The following RTKN variants were observed in gnomAD, a reference collection of about 807,000 sequenced individuals.
RTKN encodes the protein rhotekin.
In RTKN, 49 loss-of-function variants were observed where a neutral mutation model predicts 63.5. That is an observed-to-expected ratio of 0.77 (90% CI 0.61 to 0.98). The LOEUF (loss-of-function observed/expected upper bound fraction) is 0.98. Ranked by LOEUF, RTKN falls within the 50% of genes least tolerant of loss-of-function variation. The pLI, the probability that RTKN is intolerant of heterozygous loss-of-function variation, is 0.00. For missense variants in RTKN, 685 were observed against 740.8 expected (o/e 0.92, Z 0.87); for synonymous variants, 295 against 290.4 (o/e 1.02, Z -0.16).
chr2:74,432,472 G>C lies in RTKN; in HGVS notation c.306C>G (p.Ser102Arg), dbSNP rs1161130184. Reference sequence around the variant, plus strand: ...CTCGTCTCCCCCTTGCTCACCGCCGGCTTGTCTTCCCCAGCACCTGCGCCT... The same window carrying C: ...CTCGTCTCCCCCTTGCTCACCGCCGCCTTGTCTTCCCCAGCACCTGCGCCT... ...RKEAQVLGKT[S>R]RRPSDSGPPA... is the part of the protein sequence containing the mutation. The change falls in exon 2 of 12, where the codon AGC (serine) becomes AGG (arginine). Residue 102 changes from serine to arginine, a missense_variant. Physicochemically the swap from Ser to Arg is moderately radical, Grantham distance 110. Transcript: ENST00000272430. 9.3e-6 allele frequency: 15 copies of C among 1,608,960 alleles called. No homozygotes were observed. Among genetic ancestry groups the C allele is most frequent in the Non-Finnish European group, 1.3e-5 (15 of 1,179,918 alleles).
At chr2:74,429,101 A>G (rs924660099) in intron 6 of RTKN, among the ~76,000 whole-genome samples, 159 bp from the exon 7 acceptor site, 3 of 152,168 alleles carry the variant, frequency 2.0e-5, no homozygotes, top group African/African-American at 4.8e-5. Context: ...AGCTCCAGCT[A>G]AGTGTCAGGA....
At chr2:74,427,906 C>A in intron 9 of RTKN, 1 of 479,086 alleles carries the variant, frequency 2.1e-6, no homozygotes, top group Non-Finnish European at 3.7e-6. Flanking sequence ...CAGGAAAGCC[C>A]ATAAAAGGGA....
rs750602166 is a variant in RTKN at position 74,441,742 on chromosome 2, G to C, written c.75C>G (p.Gly25=). 2 of 1,611,770 alleles carry C rather than the reference G, an allele frequency of 1.2e-6. No homozygotes were observed. The highest frequency in any genetic ancestry group is 1.7e-5 in the Admixed American group (1 of 59,944). The change falls in exon 1 of 12, where the codon GGC becomes GGG. Residue 25 remains glycine, a synonymous_variant. Transcript: ENST00000272430. The part of the protein sequence containing the change: ...GSALEMEFKR[G]RFRLSLFSDL... ...CGCTGAAGAGGCTGAGTCGGAAGCG[G>C]CCGCGTTTGAACTCCATCTCCAGGG...
In RTKN at chr2:74,427,267, C is replaced by T; in HGVS notation, c.1262G>A (p.Trp421Ter). Residue 421 changes from tryptophan to a stop codon, truncating the protein, a stop_gained, in exon 11 of 12, where the codon TGG becomes TAG. Transcript: ENST00000272430. LOFTEE classifies it high-confidence loss of function. Reference protein sequence around the residue: ...LWQLFFDMSQWKQCCDEIMKI... With the variant: ...LWQLFFDMSQ ...CATGATTTCATCACAGCACTGCTTC[C>T]ATTGGCCTGGAAGAAGAGCGCTGAT... 1 of 1,614,148 alleles carries T rather than the reference C, an allele frequency of 6.2e-7. No homozygotes were observed. Among genetic ancestry groups the T allele is most frequent in the Non-Finnish European group, 8.5e-7 (1 of 1,180,002 alleles).
In RTKN at chr2:74,430,301, G is replaced by C; in HGVS notation, c.496C>G (p.Leu166Val). The C allele has an allele frequency of 6.2e-7, 1 of 1,614,094 alleles. No homozygotes were observed. The highest frequency in any genetic ancestry group is 2.2e-5 in the East Asian group (1 of 44,880). ...GEHIQDTEMI[L>V]VDRTLTDISF... ...ATGTCTGTGAGGGTCCTGTCCACTA[G>C]GATCATCTCTGTGTCCTGGATGTGT... The change falls in exon 5 of 12, where the codon CTA (leucine) becomes GTA (valine). Residue 166 changes from leucine (L) to valine (V), a missense_variant. Coordinates refer to ENST00000272430, the MANE Select transcript of RTKN (RefSeq NM_001015055.2).
intron 9 of RTKN, 171 bp downstream of exon 9, chr2:74,428,097 C>T (rs944230142): frequency 3.2e-5 from 24 of 759,208 alleles, no homozygotes; most frequent in Middle Eastern, 3.8e-4. Flanking sequence ...GATCCTCTCA[C>T]AGTGATGCTG....
At chr2:74,427,864 C>T (rs1461431051) in intron 9 of RTKN, 4 of 504,062 alleles carry the variant, frequency 7.9e-6, no homozygotes, top group East Asian at 3.3e-5. Flanking sequence ...GATGCTCCAG[C>T]CAGAGGTCCC....
At position 74,428,388 on chromosome 2, in the gene RTKN, C is replaced by T; in HGVS notation, c.966G>A (p.Gly322=). The T allele has an allele frequency of 1.2e-6, 2 of 1,614,162 alleles. No individual in the cohort carries two copies. The highest frequency in any genetic ancestry group is 2.2e-5 in the South Asian group (2 of 91,082). The change falls in exon 9 of 12, where the codon GGG becomes GGA. Residue 322 remains glycine (G), a synonymous_variant. Transcript: ENST00000272430. ...GCACTTGTGCCCAGTTCTGCATCTC[C>T]CCAGCTTGCTGCACAAATGACTCAA... ...ASGTLRVQQA[G]EMQNWAQVHG...
In RTKN at chr2:74,436,396, G is replaced by A. The variant is rs891810824; in HGVS notation, c.112-3730C>T. ...CAATTGCCGCGAGAGCAACTGAGGG[G>A]TACCAGGGCGCTGGAGGTCCCTCCG... On this transcript the variant is annotated intron_variant, in intron 1 of 11. Transcript: ENST00000272430. This position sits in a 1 kb window ranked among gnomAD's most constrained non-coding sequence, Gnocchi z 4.3. 6.6e-6 allele frequency among the ~76,000 whole-genome samples: 1 copy of A among 152,184 alleles called. No homozygotes were observed. The highest frequency in any genetic ancestry group is 1.5e-5 in the Non-Finnish European group (1 of 68,024).
chr2:74,432,756 T>C, intron 1 of RTKN, 90 bp from the exon 2 acceptor site: 1 of 1,088,068 alleles, frequency 9.2e-7, no homozygotes, highest in South Asian at 1.4e-5. Flanking sequence ...CTGTGGCCAG[T>C]AAAACTGACA....
chr2:74,428,545 G>A, intron 8 of RTKN, 86 bp downstream of exon 8: 1 of 1,543,454 alleles, frequency 6.5e-7, no homozygotes, highest in Non-Finnish European at 8.9e-7. Flanking sequence ...CCCAAATCTT[G>A]ATTTTTCATT....
chr2:74,440,023 A>T (rs1027830103), intron 1 of RTKN: 1 of 1,052,038 alleles, frequency 9.5e-7, no homozygotes, highest in Non-Finnish European at 1.2e-6. Flanking sequence ...GCCGCTCCCC[A>T]GCCCCCGCCC....
Position 74,428,855 on chromosome 2 carries a change from G to C in RTKN, c.843C>G (p.Ala281=). The change falls in exon 7 of 12, where the codon GCC becomes GCG. Residue 281 remains alanine (A), a synonymous_variant. Coordinates refer to ENST00000272430, the MANE Select transcript of RTKN (RefSeq NM_001015055.2). Reference sequence around the variant, plus strand: ...ATGCACACACATACTTACCATGACTGGCAAGGGTGAGGTCATGTGTGCGGA... The same window carrying C: ...ATGCACACACATACTTACCATGACTCGCAAGGGTGAGGTCATGTGTGCGGA... ...DGFRTHDLTL[A]SHEENPAWLP... 1 of 1,613,806 alleles carries C rather than the reference G, an allele frequency of 6.2e-7. No individual in the cohort carries two copies. Among genetic ancestry groups the C allele is most frequent in the Non-Finnish European group, 8.5e-7 (1 of 1,179,724 alleles).
chr2:74,432,042 C>T, intron 2 of RTKN: 1 of 310,820 alleles, frequency 3.2e-6, no homozygotes, highest in East Asian at 9.3e-5. Context: ...TTCTTATTTC[C>T]TTTCCCACTC....
intron 1 of RTKN, chr2:74,439,752 G>A: frequency 6.6e-7 from 1 of 1,516,346 alleles, no homozygotes; most frequent in South Asian, 1.2e-5. Context: ...CTCTTGGGCA[G>A]AGGGCAGAAG....
At chr2:74,430,779 AC>A in intron 2 of RTKN, 102 bp from the exon 3 acceptor site, 1 of 1,184,850 alleles carries the variant, frequency 8.4e-7, no homozygotes, top group Non-Finnish European at 1.2e-6. Context: ...CGCCTCAGCC[AC>A]CAGGTTCCCA....
chr2:74,427,025 C>T lies in RTKN; in HGVS notation c.1360+144G>A, dbSNP rs572962581. 160 of 1,445,276 alleles carry T rather than the reference C, an allele frequency of 1.1e-4. No individual in the cohort carries two copies. In the Middle Eastern group the frequency reaches 4.4e-3, roughly 40 times the overall value. 89.5% of individuals were successfully genotyped at this position (1,445,276 alleles called of 1,614,324 possible). On this transcript the variant is annotated intron_variant, in intron 11 of 11. Coordinates refer to ENST00000272430, the MANE Select transcript of RTKN (RefSeq NM_001015055.2). ...AAGAGTTGGAGAGGAGAAAAGAACACACAAGATTGGGTGAGACTTGGGTCC... is the reference window on the plus strand; with the variant it reads ...AAGAGTTGGAGAGGAGAAAAGAACATACAAGATTGGGTGAGACTTGGGTCC...
At chr2:74,428,561 T>G (rs940370012) in intron 8 of RTKN, 70 bp downstream of exon 8, 10 of 1,542,748 alleles carry the variant, frequency 6.5e-6, no homozygotes, top group Admixed American at 5.5e-5. Flanking sequence ...TCATTAGCTC[T>G]TCTATTCCTG....
In RTKN at chr2:74,441,903, C is replaced by G. The variant is rs1640407480; in HGVS notation, c.-87G>C. 1 of 779,872 alleles carries G rather than the reference C, an allele frequency of 1.3e-6. No individual in the cohort carries two copies. The highest frequency in any genetic ancestry group is 2.1e-6 in the Non-Finnish European group (1 of 475,572). 48.3% of individuals were successfully genotyped at this position (779,872 alleles called of 1,614,324 possible). A position where few individuals can be genotyped will look rare whatever the true frequency, so the allele number is the denominator to read the frequency against. On this transcript the variant is annotated 5_prime_UTR_variant, in exon 1 of 12. Coordinates refer to ENST00000272430, the MANE Select transcript of RTKN (RefSeq NM_001015055.2). ...TCTCCTCGGCTTCTGTCTCTCGACG[C>G]TCGTCCGCCAGTCCGGCCGGGAATC... is the stretch of plus-strand genomic sequence containing the variant.
Sources: allele counts gnomAD v4.1 joint callset (sites outside exome capture counted in the v4.1 genomes callset), GRCh38; gene constraint gnomAD v4.1.1; non-coding constraint Gnocchi (gnomAD v3.1); transcripts MANE v1.5; gene names NCBI Gene and HGNC (gene_info 2026-07-23, HGNC 2026-07-21).